The following NCOR2 variants were observed in gnomAD, a reference collection of about 807,000 sequenced individuals.
NCOR2 encodes the protein CTG repeat protein 26.
NCOR2 carries 81 observed loss-of-function variants against 262.9 expected under a neutral mutation model. The ratio of observed to expected loss-of-function variants is 0.31; its 90% CI spans 0.26 to 0.37. NCOR2 has a LOEUF of 0.37. NCOR2 is among the 10% of genes least tolerant of loss of function. The pLI is 1.00. For missense variants in NCOR2, 3,385 were observed against 3,621.4 expected, an observed-to-expected ratio of 0.93 and a Z score of 1.68; for synonymous variants, 1,659 against 1,559.3, an observed-to-expected ratio of 1.06 and a Z score of -1.51.
chr12:124,402,705 G>A (rs548449945), intron 13 of NCOR2, 144 bp from the exon 16 acceptor site: 29 of 1,443,794 alleles, frequency 2.0e-5, no homozygotes, highest in Admixed American at 1.0e-4. Flanking sequence ...ATAAACAACC[G>A]GGAAGCCAGG....
In NCOR2 at chr12:124,342,126, G is replaced by A. The variant is rs755074163; in HGVS notation, c.4937-52C>T. The A allele has an allele frequency of 1.9e-5, 30 of 1,555,622 alleles. No homozygotes were observed. The East Asian group carries it at 6.6e-4, about 34-fold the overall frequency. ...AGGCCAGCCATACCTAGGCCTGATG[G>A]TGTCGCTCCACCTGTCTGGATGCCC... On this transcript the variant is annotated intron_variant, in intron 33 of 46. Transcript: ENST00000405201.
At position 124,353,991 on chromosome 12, in the gene NCOR2, C is replaced by A. The variant is rs1328072556; in HGVS notation, c.3693+102G>T. On this transcript the variant is annotated intron_variant, in intron 27 of 46. Transcript: ENST00000405201. ...AACTGCTGTCCCCCAGTCATCACCC[C>A]ATCGGCTGAGGCTAATGGTTTGGTG... 6 of 1,051,698 alleles carry A rather than the reference C, an allele frequency of 5.7e-6. No homozygotes were observed. In the African/African-American group the frequency reaches 9.4e-5, roughly 16 times the overall value. The allele number at this position is 1,051,698 out of a possible 1,614,324, so 65.1% of individuals were successfully genotyped here. A position where few individuals can be genotyped will look rare whatever the true frequency, so the allele number is the denominator to read the frequency against.
chr12:124,361,629 G>A lies in NCOR2; in HGVS notation c.3100+497C>T, dbSNP rs2038599917. On this transcript the variant is annotated intron_variant, in intron 22 of 46. Transcript: ENST00000405201. The stretch of plus-strand genomic sequence containing the variant: ...GGAGCAAGGTCAGGATGCCAGCTGG[G>A]GAGGGCAGCCCTTCCTGCCCAGGCC... Among the ~76,000 whole-genome samples, 3 of 152,360 alleles carry A rather than the reference G, an allele frequency of 2.0e-5. No individual in the cohort carries two copies. The South Asian group carries it at 6.2e-4, about 32-fold the overall frequency.
Position 124,472,920 on chromosome 12 carries a change from C to G in NCOR2, c.591+32G>C, listed in dbSNP as rs764436090. The G allele has an allele frequency of 3.7e-6, 6 of 1,611,624 alleles. No homozygotes were observed. The African/African-American group carries it at 5.3e-5, about 14-fold the overall frequency. ...CTGCTGCTAGAATGGAGACTCAGAACAAACACTCCCCCTCCCCCTGCCCAT... is the reference window on the plus strand; with the variant it reads ...CTGCTGCTAGAATGGAGACTCAGAAGAAACACTCCCCCTCCCCCTGCCCAT... On this transcript the variant is annotated intron_variant, in intron 4 of 46. Transcript: ENST00000405201.
rs1251017140 is a variant in NCOR2 at position 124,389,307 on chromosome 12, C to G, written c.1877-3420G>C. ...CTGATCTTCTTGCTGCCTGACCCAG[C>G]GAGACGCGGCAGGACTGAATGTGAC... is the stretch of plus-strand genomic sequence containing the variant. On this transcript the variant is annotated intron_variant, in intron 16 of 46. Coordinates refer to ENST00000405201, the Ensembl canonical transcript of NCOR2. This position sits in a 1 kb window ranked among gnomAD's most constrained non-coding sequence, Gnocchi z 4.4. 3.3e-5 allele frequency among the ~76,000 whole-genome samples: 5 copies of G among 152,102 alleles called. No individual in the cohort carries two copies. In the East Asian group the frequency reaches 7.8e-4, roughly 24 times the overall value.
Position 124,482,290 on chromosome 12 carries a change from G to A in NCOR2, c.411+1306C>T. On this transcript the variant is annotated intron_variant, in intron 3 of 46. Coordinates refer to ENST00000405201, the Ensembl canonical transcript of NCOR2. This position sits in a 1 kb window ranked among gnomAD's most constrained non-coding sequence, Gnocchi z 6.3. ...AGGCAGCCCTGTGGGTATCTGGCAG[G>A]TGTGCAGGTGTCGGGGCCACAGCCA... 6.6e-6 allele frequency among the ~76,000 whole-genome samples: 1 copy of A among 152,028 alleles called. No individual in the cohort carries two copies. Among genetic ancestry groups the A allele is most frequent in the East Asian group, 1.9e-4 (1 of 5,180 alleles).
chr12:124,331,028 C>T, intron 43 of NCOR2, 130 bp from the exon 46 acceptor site: 1 of 862,274 alleles, frequency 1.2e-6, no homozygotes, highest in South Asian at 1.6e-5. Flanking sequence ...GGTTCTCATG[C>T]AGCAGGCCTG....
At chr12:124,508,198 G>A (rs376166510) in intron 1 of NCOR2, among the ~76,000 whole-genome samples, 6 of 152,224 alleles carry the variant, frequency 3.9e-5, no homozygotes, top group Non-Finnish European at 8.8e-5. Context: ...TGCCGCCTGG[G>A]CTCCCAGGCT....
At chr12:124,384,585 G>C (rs1281459020) in intron 17 of NCOR2, among the ~76,000 whole-genome samples, 1 of 152,204 alleles carries the variant, frequency 6.6e-6, no homozygotes, top group Non-Finnish European at 1.5e-5. Context: ...CCACTCGGGA[G>C]GGTGGAAGGA....
Position 124,389,857 on chromosome 12 carries a change from G to A in NCOR2, c.1877-3970C>T, listed in dbSNP as rs902124886. 2.0e-5 allele frequency among the ~76,000 whole-genome samples: 3 copies of A among 152,100 alleles called. No homozygotes were observed. Among genetic ancestry groups the A allele is most frequent in the Non-Finnish European group, 4.4e-5 (3 of 68,012 alleles). On this transcript the variant is annotated intron_variant, in intron 16 of 46. Transcript: ENST00000405201. This position sits in a 1 kb window ranked among gnomAD's most constrained non-coding sequence, Gnocchi z 4.4. Reference sequence around the variant, plus strand: ...TCCTCCTCCGAGAGCCCCTGCAGCCGTGAAGGAACACTGTGGGAAATGCCG... The same window carrying A: ...TCCTCCTCCGAGAGCCCCTGCAGCCATGAAGGAACACTGTGGGAAATGCCG...
Position 124,357,815 on chromosome 12 carries a change from C to T in NCOR2, c.3101-1033G>A, listed in dbSNP as rs751313151. On this transcript the variant is annotated intron_variant, in intron 22 of 46. Transcript: ENST00000405201. The stretch of plus-strand genomic sequence containing the variant: ...TGATGTGTGTGTGTGTGTGCGCGCA[C>T]GCGCGTGCACGTGTATGTGCATGTG... Among the ~76,000 whole-genome samples the T allele has an allele frequency of 4.9e-5, 7 of 142,036 alleles. No homozygotes were observed. The South Asian group carries it at 7.0e-4, about 14-fold the overall frequency. 93.2% of individuals were successfully genotyped at this position (142,036 alleles called of 152,430 possible).
intron 11 of NCOR2, among the ~76,000 whole-genome samples, chr12:124,424,640 G>C (rs971341614): frequency 6.6e-6 from 1 of 152,138 alleles, no homozygotes; most frequent in Non-Finnish European, 1.5e-5. Flanking sequence ...CTGCACTTGC[G>C]GGTCCACTCA....
chr12:124,562,761 T>C (rs892231601), intron 1 of NCOR2, among the ~76,000 whole-genome samples: 1 of 152,202 alleles, frequency 6.6e-6, no homozygotes, highest in African/African-American at 2.4e-5. Flanking sequence ...CAGAGGATCT[T>C]TCCCAGCAGC....
chr12:124,489,039 C>T lies in NCOR2; in HGVS notation c.106-2471G>A, dbSNP rs80262654. Among the ~76,000 whole-genome samples, 491 of 152,106 alleles carry T rather than the reference C, an allele frequency of 3.2e-3. 4 individuals are homozygous for T. The highest frequency in any genetic ancestry group is 0.012 in the African/African-American group (479 of 41,486). ...ACTCGGTCCACACTGGCCCCCACCA[C>T]TAGGCTTGAAGCAGGTCACCAGGGT... On this transcript the variant is annotated intron_variant, in intron 1 of 46. Transcript: ENST00000405201.
At chr12:124,372,565 T>C (rs915026120) in exon 20 of NCOR2, 1 of 1,596,302 alleles carries the variant, frequency 6.3e-7, no homozygotes, top group African/African-American at 1.4e-5. Flanking sequence ...GGCCTCAGTG[T>C]GAGGAGAGGG....
At chr12:124,333,255 C>T (rs747434424) in exon 42 of NCOR2, 21 of 1,610,384 alleles carry the variant, frequency 1.3e-5, no homozygotes, top group African/African-American at 2.7e-5. Context: ...CACCCAAGAC[C>T]GACGTCTTGT....
chr12:124,502,998 G>A (rs2048827951), intron 1 of NCOR2, among the ~76,000 whole-genome samples: 1 of 152,192 alleles, frequency 6.6e-6, no homozygotes. Flanking sequence ...CCCTAAGGAA[G>A]AGCCAGGTAC....
rs191729859 is a variant in NCOR2, at chr12:124,351,081, G to A, written c.3694-344C>T. On this transcript the variant is annotated intron_variant, in intron 27 of 46. Transcript: ENST00000405201. ...ACAGGGAGGCACAGTGACTTTACCC[G>A]GGGTCACCTGGCTAATAAGGGGCAG... Among the ~76,000 whole-genome samples, 572 of 152,288 alleles carry A rather than the reference G, an allele frequency of 3.8e-3. 1 individual carries two copies. The highest frequency in any genetic ancestry group is 0.013 in the African/African-American group (540 of 41,560).
At chr12:124,535,162 C>T (rs1376999760) in intron 1 of NCOR2, among the ~76,000 whole-genome samples, 1 of 152,244 alleles carries the variant, frequency 6.6e-6, no homozygotes, top group African/African-American at 2.4e-5. Context: ...CAGCACCCAA[C>T]ACCCGAACAC....
Sources: allele counts gnomAD v4.1 joint callset (sites outside exome capture counted in the v4.1 genomes callset), GRCh38; gene constraint gnomAD v4.1.1; non-coding constraint Gnocchi (gnomAD v3.1); transcripts MANE v1.5; gene names NCBI Gene and HGNC (gene_info 2026-07-23, HGNC 2026-07-21).